Variants in TEX26 observed in about 807,000 individuals in gnomAD.
TEX26 encodes the protein testis expressed 26.
Under a neutral mutation model 35.3 loss-of-function variants are expected in TEX26, and 34 were observed. The observed-to-expected ratio is 0.96, with a 90% CI of 0.73 to 1.28. TEX26 has a LOEUF of 1.28. TEX26 is among the 50% of genes most tolerant of loss of function. The pLI is 0.00. For missense variants in TEX26, 371 were observed against 330.1 expected (o/e 1.12, Z -0.96); for synonymous variants, 136 against 111.8 (o/e 1.22, Z -1.36).
chr13:30,969,840 TA>T (rs1381764778), intron 6 of TEX26, among the ~76,000 whole-genome samples: 1 of 148,920 alleles, frequency 6.7e-6, no homozygotes, highest in African/African-American at 2.6e-5. Flanking sequence ...CAGAAGGAAG[TA>T]AAAAATATCA....
At chr13:30,952,395 C>T (rs1953960472) in intron 2 of TEX26, among the ~76,000 whole-genome samples, 1 of 151,770 alleles carries the variant, frequency 6.6e-6, no homozygotes, top group Non-Finnish European at 1.5e-5. Flanking sequence ...GAGTGTTCAG[C>T]TCTTTAAAAA....
At chr13:30,942,423 T>G (rs1028025506) in intron 2 of TEX26, among the ~76,000 whole-genome samples, 1 of 152,200 alleles carries the variant, frequency 6.6e-6, no homozygotes. Flanking sequence ...GTTAGTCCTT[T>G]GTTAGCTTCA....
intron 2 of TEX26, among the ~76,000 whole-genome samples, chr13:30,952,024 TTTTTTTTTTTTTTTTTTTTTG>T: frequency 1.1e-5 from 1 of 87,060 alleles, no homozygotes. Context: ...TTTTTTTTTT[TTTTTTTTTTTTTTTTTTTTTG>T]GTCTCCATGA....
Position 30,939,733 on chromosome 13 carries a change from G to A in TEX26, c.101G>A (p.Arg34Lys). The stretch of plus-strand genomic sequence containing the variant: ...TGGGATTCCTATGCTACCACTATGA[G>A]GACTGCATTCACGCCTAAAACAGGA... ...PNWDSYATTM[R>K]TAFTPKTGAV... Residue 34 changes from arginine to lysine, a missense_variant, in exon 2 of 7, where the codon AGG (arginine) becomes AAG (lysine). By Grantham distance (26) the Arg-to-Lys change is conservative. Coordinates refer to ENST00000380473, the MANE Select transcript of TEX26 (RefSeq NM_152325.3). 6.2e-7 allele frequency: 1 copy of A among 1,614,036 alleles called. No individual in the cohort carries two copies. The highest frequency in any genetic ancestry group is 8.5e-7 in the Non-Finnish European group (1 of 1,179,942).
chr13:30,934,588 C>T (rs1002983488), intron 1 of TEX26, among the ~76,000 whole-genome samples: 21 of 152,174 alleles, frequency 1.4e-4, no homozygotes, highest in African/African-American at 4.8e-4. Flanking sequence ...GTGGTCCTTA[C>T]GTCTTCCAGC....
At chr13:30,970,252 G>C (rs1218267385) in intron 6 of TEX26, among the ~76,000 whole-genome samples, 5 of 151,866 alleles carry the variant, frequency 3.3e-5, no homozygotes, top group Admixed American at 1.3e-4. Flanking sequence ...CACACATTGA[G>C]GGCTGAGAGC....
Position 30,963,064 on chromosome 13 carries a change from G to A in TEX26, c.470-3158G>A, listed in dbSNP as rs538492795. Among the ~76,000 whole-genome samples, 36 of 151,854 alleles carry A rather than the reference G, an allele frequency of 2.4e-4. No individual in the cohort carries two copies. In the South Asian group the frequency reaches 5.8e-3, roughly 25 times the overall value. On this transcript the variant is annotated intron_variant, in intron 4 of 6. Coordinates refer to ENST00000380473, the MANE Select transcript of TEX26 (RefSeq NM_152325.3). Reference sequence around the variant, plus strand: ...AGGATGGTCTCAATCTCCCGACCTCGTGATCCACCCGCCTCGGCCTCTCAA... The same window carrying A: ...AGGATGGTCTCAATCTCCCGACCTCATGATCCACCCGCCTCGGCCTCTCAA...
At chr13:30,934,195 T>A (rs1953179633) in intron 1 of TEX26, among the ~76,000 whole-genome samples, 1 of 152,208 alleles carries the variant, frequency 6.6e-6, no homozygotes, top group Non-Finnish European at 1.5e-5. Flanking sequence ...CAGGTCTCTT[T>A]GATTCTGCCT....
chr13:30,932,909 A>C, intron 1 of TEX26, 133 bp downstream of exon 1: 1 of 953,216 alleles, frequency 1.0e-6, no homozygotes, highest in South Asian at 2.0e-5. Context: ...AACTGAGGAA[A>C]AGACGGGGAG....
intron 3 of TEX26, among the ~76,000 whole-genome samples, chr13:30,956,441 G>A (rs1204498912): frequency 1.3e-5 from 2 of 152,118 alleles, no homozygotes; most frequent in Non-Finnish European, 2.9e-5. Context: ...GGTGACAAGA[G>A]AGTGCTGGCC....
intron 6 of TEX26, among the ~76,000 whole-genome samples, chr13:30,973,924 T>C (rs1023382639): frequency 6.6e-6 from 1 of 151,002 alleles, no homozygotes; most frequent in Non-Finnish European, 1.5e-5. Context: ...CCGAGGCGGG[T>C]GGATCACTTG....
At chr13:30,946,174 G>T (rs905555040) in intron 2 of TEX26, among the ~76,000 whole-genome samples, 2 of 150,870 alleles carry the variant, frequency 1.3e-5, no homozygotes, top group Non-Finnish European at 3.0e-5. Context: ...CTTTATTTTT[G>T]TCTGGGTTAA....
At chr13:30,974,134 A>T (rs113213338) in intron 6 of TEX26, among the ~76,000 whole-genome samples, 1 of 92,146 alleles carries the variant, frequency 1.1e-5, no homozygotes, top group African/African-American at 3.3e-5. Context: ...AAAAAAAAAT[A>T]TATATATATA....
intron 4 of TEX26, among the ~76,000 whole-genome samples, chr13:30,958,882 C>A (rs1954233460): frequency 6.6e-6 from 1 of 152,232 alleles, no homozygotes; most frequent in Non-Finnish European, 1.5e-5. Flanking sequence ...TGCTTCCCTT[C>A]ATAAACAGCC....
intron 6 of TEX26, among the ~76,000 whole-genome samples, chr13:30,974,131 A>AAAAATATAT: frequency 0.057 from 4,835 of 84,090 alleles, 263 homozygotes; most frequent in Admixed American, 0.093. Context: ...AAAAAAAAAA[A>AAAAATATAT]ATATATATAT....
chr13:30,959,193 A>G (rs774857587), intron 4 of TEX26, among the ~76,000 whole-genome samples: 20 of 152,238 alleles, frequency 1.3e-4, no homozygotes, highest in Admixed American at 7.2e-4. Flanking sequence ...TTTATTAAAC[A>G]AATGTATGCA....
intron 3 of TEX26, among the ~76,000 whole-genome samples, chr13:30,954,492 T>G (rs1290360064): frequency 6.6e-6 from 1 of 151,490 alleles, no homozygotes. Context: ...TCTTGCTTTG[T>G]GGCCCAGGGT....
At chr13:30,937,161 T>C (rs947564421) in intron 1 of TEX26, among the ~76,000 whole-genome samples, 2 of 152,128 alleles carry the variant, frequency 1.3e-5, no homozygotes, top group African/African-American at 4.8e-5. Context: ...CCTCAGTTCC[T>C]GGAAACAGTA....
rs1555270830 is a variant in TEX26, at chr13:30,966,412, C to T, written c.646+14C>T. 3 of 1,512,670 alleles carry T rather than the reference C, an allele frequency of 2.0e-6. No homozygotes were observed. The highest frequency in any genetic ancestry group is 2.7e-6 in the Non-Finnish European group (3 of 1,123,818). The allele number at this position is 1,512,670 out of a possible 1,614,324, so 93.7% of individuals were successfully genotyped here. Reference sequence around the variant, plus strand: ...CTCAGGGTCTAGGTGAGTACAGCTGCAGTTTCTTTTTCTTTTTCTCTTTTT... The same window carrying T: ...CTCAGGGTCTAGGTGAGTACAGCTGTAGTTTCTTTTTCTTTTTCTCTTTTT... On this transcript the variant is annotated intron_variant, in intron 5 of 6. Transcript: ENST00000380473.
Sources: allele counts gnomAD v4.1 joint callset (sites outside exome capture counted in the v4.1 genomes callset), GRCh38; gene constraint gnomAD v4.1.1; transcripts MANE v1.5; gene names NCBI Gene and HGNC (gene_info 2026-07-23, HGNC 2026-07-21).